The following PLPPR1 variants were observed in gnomAD, a reference collection of about 807,000 sequenced individuals.
The protein encoded by PLPPR1 is phospholipid phosphatase related 1.
In PLPPR1, 10 loss-of-function variants were observed where a neutral mutation model predicts 33.1. That is an observed-to-expected ratio of 0.30 (90% confidence interval 0.19 to 0.51). The LOEUF (loss-of-function observed/expected upper bound fraction) is 0.51. PLPPR1 is among the 20% of genes least tolerant of loss of function. PLPPR1 has a pLI of 0.97. For missense variants in PLPPR1, 304 were observed against 408.1 expected, an observed-to-expected ratio of 0.74 and a Z score of 2.20; for synonymous variants, 151 against 151.0, an observed-to-expected ratio of 1.00 and a Z score of 0.00.
intron 2 of PLPPR1, among the ~76,000 whole-genome samples, chr9:101,262,505 T>C (rs962130054): frequency 7.2e-5 from 11 of 152,104 alleles, no homozygotes; most frequent in Non-Finnish European, 1.2e-4. Flanking sequence ...CAGGAAACAA[T>C]AGATACTGGA....
At chr9:101,279,287 A>T (rs952606280) in intron 3 of PLPPR1, among the ~76,000 whole-genome samples, 7 of 152,240 alleles carry the variant, frequency 4.6e-5, no homozygotes, top group African/African-American at 1.7e-4. Context: ...GAATGTAACA[A>T]TTGTAAATAC....
At chr9:101,128,265 G>T (rs1482489899) in intron 1 of PLPPR1, among the ~76,000 whole-genome samples, 3 of 152,126 alleles carry the variant, frequency 2.0e-5, no homozygotes, top group South Asian at 2.1e-4. Flanking sequence ...AAATTCAAAG[G>T]AAGAAAAACT....
intron 2 of PLPPR1, among the ~76,000 whole-genome samples, chr9:101,208,984 C>T (rs562763575): frequency 6.6e-6 from 1 of 152,270 alleles, no homozygotes; most frequent in Middle Eastern, 3.4e-3. Context: ...GAAAGGAGGC[C>T]TACCCTCAGC....
intron 1 of PLPPR1, among the ~76,000 whole-genome samples, chr9:101,172,195 C>T (rs1489100856): frequency 6.6e-6 from 1 of 151,980 alleles, no homozygotes; most frequent in East Asian, 1.9e-4. Flanking sequence ...GGCCATGGGT[C>T]GTGCTGTCAC....
At chr9:101,299,403 G>A (rs1828706634) in intron 4 of PLPPR1, among the ~76,000 whole-genome samples, 1 of 152,202 alleles carries the variant, frequency 6.6e-6, no homozygotes, top group South Asian at 2.1e-4. Context: ...GGCCTAGAAG[G>A]CGTAGCCAGG....
At chr9:101,163,034 T>C (rs1406770551) in intron 1 of PLPPR1, among the ~76,000 whole-genome samples, 1 of 152,230 alleles carries the variant, frequency 6.6e-6, no homozygotes, top group Admixed American at 6.6e-5. Context: ...TCGAAATTAT[T>C]CATATTTAAA....
chr9:101,214,109 G>GTTTTTAT (rs1826739122), intron 2 of PLPPR1, among the ~76,000 whole-genome samples: 1 of 152,130 alleles, frequency 6.6e-6, no homozygotes. Context: ...ACAGATGCTG[G>GTTTTTAT]TAATAAAAAA....
intron 2 of PLPPR1, among the ~76,000 whole-genome samples, chr9:101,251,962 G>A (rs117314512): frequency 0.02 from 3,082 of 152,170 alleles, 41 homozygotes; most frequent in Middle Eastern, 0.085. Flanking sequence ...TATACACCAA[G>A]TATTAGTAAT....
chr9:101,223,053 A>G (rs1342044627), intron 2 of PLPPR1, among the ~76,000 whole-genome samples: 4 of 149,802 alleles, frequency 2.7e-5, no homozygotes, highest in East Asian at 2.0e-4. Flanking sequence ...TGGCTCACAC[A>G]GGTAATCCCT....
At chr9:101,104,466 A>T (rs1830945966) in intron 1 of PLPPR1, among the ~76,000 whole-genome samples, 1 of 107,294 alleles carries the variant, frequency 9.3e-6, no homozygotes, top group Admixed American at 9.0e-5. Context: ...ATTTGCATAT[A>T]TTGAACCAGC....
At chr9:101,080,746 T>C (rs1830606641) in intron 1 of PLPPR1, among the ~76,000 whole-genome samples, 1 of 152,214 alleles carries the variant, frequency 6.6e-6, no homozygotes, top group South Asian at 2.1e-4. Flanking sequence ...GTAAATGCTC[T>C]ATAATTCTAT....
intron 2 of PLPPR1, among the ~76,000 whole-genome samples, chr9:101,204,215 T>A (rs2116285): frequency 0.13 from 19,042 of 152,198 alleles, 1,427 homozygotes; most frequent in East Asian, 0.28. Context: ...AAAGGGGTAG[T>A]AGCAACCAGC....
Position 101,256,485 on chromosome 9 carries a change from G to A in PLPPR1, c.64-13395G>A, listed in dbSNP as rs148052940. ...GCCATATTTTTCGAGGGTTCAGGGG[G>A]TAAGCAGACAGCCACTGCTGACGGC... On this transcript the variant is annotated intron_variant, in intron 2 of 7. Coordinates refer to ENST00000374874, the MANE Select transcript of PLPPR1 (RefSeq NM_207299.2). Among the ~76,000 whole-genome samples, 1,459 of 152,224 alleles carry A rather than the reference G, an allele frequency of 9.6e-3. 7 individuals are homozygous for A. The highest frequency in any genetic ancestry group is 0.014 in the Non-Finnish European group (984 of 68,012).
intron 2 of PLPPR1, among the ~76,000 whole-genome samples, chr9:101,252,174 T>G (rs1827724801): frequency 6.6e-6 from 1 of 152,100 alleles, no homozygotes; most frequent in Non-Finnish European, 1.5e-5. Flanking sequence ...ATAAAAAAAT[T>G]CCATCCATCA....
intron 1 of PLPPR1, among the ~76,000 whole-genome samples, chr9:101,184,763 A>G (rs1004829956): frequency 4.6e-5 from 7 of 151,980 alleles, no homozygotes; most frequent in Admixed American, 4.6e-4. Context: ...TTTAATGACA[A>G]TCTGCTATTG....
In PLPPR1 at chr9:101,045,469, ACT is replaced by A. The variant is rs575613742; in HGVS notation, c.-46+16370_-46+16371del. Among the ~76,000 whole-genome samples the A allele has an allele frequency of 3.5e-4, 53 of 152,320 alleles. No homozygotes were observed. The South Asian group carries it at 0.011, about 32-fold the overall frequency. ...AAAAGAGCAATGAATACATGGAATG[ACT>A]CTGAGCTTCTGAGAGTTGGAAGCTA... On this transcript the variant is annotated intron_variant, in intron 1 of 7. Coordinates refer to ENST00000374874, the MANE Select transcript of PLPPR1 (RefSeq NM_207299.2).
intron 1 of PLPPR1, among the ~76,000 whole-genome samples, chr9:101,069,185 G>T (rs1369849387): frequency 1.3e-5 from 2 of 151,722 alleles, no homozygotes; most frequent in Non-Finnish European, 2.9e-5. Context: ...AAAATCTACA[G>T]CAGCCTGGCT....
chr9:101,287,983 C>T (rs1409979871), intron 4 of PLPPR1, among the ~76,000 whole-genome samples: 2 of 152,126 alleles, frequency 1.3e-5, no homozygotes, highest in Non-Finnish European at 2.9e-5. Context: ...TTATTTAAAG[C>T]AGAGATTTAT....
At chr9:101,065,932 G>A (rs1044072030) in intron 1 of PLPPR1, among the ~76,000 whole-genome samples, 1 of 151,878 alleles carries the variant, frequency 6.6e-6, no homozygotes, top group Non-Finnish European at 1.5e-5. Flanking sequence ...CATTACTATG[G>A]TACTTTTGTC....
Sources: allele counts gnomAD v4.1 joint callset (sites outside exome capture counted in the v4.1 genomes callset), GRCh38; gene constraint gnomAD v4.1.1; transcripts MANE v1.5; gene names NCBI Gene and HGNC (gene_info 2026-07-23, HGNC 2026-07-21).